Variants in GNG4 observed in about 807,000 individuals in gnomAD.
GNG4 encodes the protein guanine nucleotide-binding protein G(I)/G(S)/G(O) subunit gamma-4.
A neutral mutation model predicts 5.8 loss-of-function variants in GNG4; 4 were observed. The observed-to-expected ratio is 0.69, with a 90% CI of 0.34 to 1.57. GNG4 has a LOEUF of 1.57. GNG4 is among the 40% of genes most tolerant of loss of function. The pLI, the probability that GNG4 is intolerant of heterozygous loss-of-function variation, is 0.06. For synonymous variants in GNG4, 29 were observed against 32.9 expected (o/e 0.88, Z 0.41); for missense variants, 96 against 95.1 (o/e 1.01, Z -0.04).
At chr1:235,569,421 GCAC>G (rs1687280366) in intron 3 of GNG4, among the ~76,000 whole-genome samples, 1 of 148,556 alleles carries the variant, frequency 6.7e-6, no homozygotes, top group Non-Finnish European at 1.5e-5. Context: ...TCACGACACT[GCAC>G]TCCAGCCTGG....
At chr1:235,609,150 G>A (rs1197698044) in intron 1 of GNG4, among the ~76,000 whole-genome samples, 1 of 152,084 alleles carries the variant, frequency 6.6e-6, no homozygotes, top group Admixed American at 6.6e-5. Context: ...TTCACTTAGT[G>A]TAATGTTTTC....
intron 2 of GNG4, among the ~76,000 whole-genome samples, chr1:235,593,526 G>A (rs1471332741): frequency 6.6e-6 from 1 of 152,226 alleles, no homozygotes; most frequent in Non-Finnish European, 1.5e-5. Flanking sequence ...AGCTGGGTCC[G>A]GAATTGGTGG....
intron 3 of GNG4, among the ~76,000 whole-genome samples, chr1:235,568,527 T>G (rs1394303386): frequency 6.6e-6 from 1 of 152,232 alleles, no homozygotes; most frequent in Non-Finnish European, 1.5e-5. Flanking sequence ...GCAGCACATA[T>G]TTGCATTACA....
chr1:235,569,451 G>A (rs1687281497), intron 3 of GNG4, among the ~76,000 whole-genome samples: 1 of 93,842 alleles, frequency 1.1e-5, no homozygotes, highest in Non-Finnish European at 2.1e-5. Flanking sequence ...GAGGGAGACC[G>A]TGTCTCAAAA....
chr1:235,595,507 G>A lies in GNG4; in HGVS notation c.-118C>T, dbSNP rs1688102042. Reference sequence around the variant, plus strand: ...GTGAATTCAGAGCTTCTGCTTTGAGGTCACCTGAAAGCACAACCAGAGACA... The same window carrying A: ...GTGAATTCAGAGCTTCTGCTTTGAGATCACCTGAAAGCACAACCAGAGACA... On this transcript the variant is annotated 5_prime_UTR_variant, in exon 2 of 4. Transcript: ENST00000391854. 1 of 152,242 alleles carries A rather than the reference G, an allele frequency of 6.6e-6. No individual in the cohort carries two copies. Among genetic ancestry groups the A allele is most frequent in the African/African-American group, 2.4e-5 (1 of 41,448 alleles). 9.4% of individuals were successfully genotyped at this position (152,242 alleles called of 1,614,324 possible). A position where few individuals can be genotyped will look rare whatever the true frequency, so the allele number is the denominator to read the frequency against.
At chr1:235,634,678 C>T (rs138796988) in intron 1 of GNG4, among the ~76,000 whole-genome samples, 4,826 of 152,340 alleles carry the variant, frequency 0.032, 267 homozygotes, top group African/African-American at 0.11. Context: ...CGCAGTGGCT[C>T]ACGCCTGTAA....
At chr1:235,593,218 G>C (rs1688023042) in intron 2 of GNG4, among the ~76,000 whole-genome samples, 1 of 152,042 alleles carries the variant, frequency 6.6e-6, no homozygotes. Context: ...CAAATTGCTG[G>C]AATTCAGGCA....
intron 1 of GNG4, among the ~76,000 whole-genome samples, chr1:235,624,212 C>T (rs1688764062): frequency 6.6e-6 from 1 of 151,814 alleles, no homozygotes; most frequent in African/African-American, 2.4e-5. Context: ...AAGCAATTCT[C>T]CTGCCTCAGC....
chr1:235,572,655 A>G (rs1687375878), intron 3 of GNG4, among the ~76,000 whole-genome samples: 1 of 151,344 alleles, frequency 6.6e-6, no homozygotes, highest in Admixed American at 6.6e-5. Context: ...GTGCGCCACC[A>G]TGCCCAGCTA....
chr1:235,591,634 G>T (rs1313008479), intron 2 of GNG4, among the ~76,000 whole-genome samples: 2 of 152,112 alleles, frequency 1.3e-5, no homozygotes, highest in African/African-American at 4.8e-5. Context: ...ATCCCACCTG[G>T]ACCCAAGAAG....
intron 1 of GNG4, among the ~76,000 whole-genome samples, chr1:235,646,486 T>C (rs1280547860): frequency 6.6e-6 from 1 of 152,164 alleles, no homozygotes; most frequent in Non-Finnish European, 1.5e-5. Flanking sequence ...ACATGACACG[T>C]CTAGCCCAAT....
chr1:235,593,952 G>C (rs1010523929), intron 2 of GNG4, among the ~76,000 whole-genome samples: 9 of 152,144 alleles, frequency 5.9e-5, no homozygotes, highest in Admixed American at 2.0e-4. Flanking sequence ...CAGCTGGCGC[G>C]GGCAGCCTGC....
In GNG4 at chr1:235,634,519, C is replaced by T. The variant is rs990541888; in HGVS notation, c.-123+15143G>A. 4.6e-5 allele frequency among the ~76,000 whole-genome samples: 7 copies of T among 152,146 alleles called. No homozygotes were observed. The South Asian group carries it at 6.2e-4, about 14-fold the overall frequency. ...GTGCAGGAAGATCGTGAGTCATTTG[C>T]GCAGATGGGCTATGTGTCCTAGACT... is the stretch of plus-strand genomic sequence containing the variant. On this transcript the variant is annotated intron_variant, in intron 1 of 3. Transcript: ENST00000391854.
intron 3 of GNG4, among the ~76,000 whole-genome samples, chr1:235,581,357 G>A (rs528220451): frequency 9.9e-5 from 15 of 152,014 alleles, no homozygotes; most frequent in Non-Finnish European, 1.6e-4. Context: ...GTGAAACCCC[G>A]TCTCTACTAA....
chr1:235,597,630 ATT>A (rs746989867), intron 1 of GNG4, among the ~76,000 whole-genome samples: 8 of 35,598 alleles, frequency 2.2e-4, no homozygotes, highest in African/African-American at 7.4e-4. Flanking sequence ...GTGTGTGTGT[ATT>A]TTTTTTTTTT....
intron 1 of GNG4, among the ~76,000 whole-genome samples, chr1:235,634,830 A>T (rs1181379890): frequency 2.0e-5 from 3 of 152,184 alleles, no homozygotes; most frequent in Non-Finnish European, 4.4e-5. Context: ...CCTACTCGGG[A>T]GGCTGAGGCA....
rs1469837225 is a variant in GNG4 at position 235,547,739 on chromosome 1, T to C, written c.*4370A>G. 6.6e-6 allele frequency: 1 copy of C among 151,986 alleles called. No individual in the cohort carries two copies. Among genetic ancestry groups the C allele is most frequent in the African/African-American group, 2.4e-5 (1 of 41,380 alleles). 9.4% of individuals were successfully genotyped at this position (151,986 alleles called of 1,614,324 possible). A position where few individuals can be genotyped will look rare whatever the true frequency, so the allele number is the denominator to read the frequency against. On this transcript the variant is annotated 3_prime_UTR_variant, in exon 4 of 4. Transcript: ENST00000391854. ...GAAGTATAACATACACACAGAAAAG[T>C]GCCCAGATCAAAAGTGTACAGCTCC...
At chr1:235,618,300 C>A (rs1688638793) in intron 1 of GNG4, among the ~76,000 whole-genome samples, 1 of 152,124 alleles carries the variant, frequency 6.6e-6, no homozygotes, top group Non-Finnish European at 1.5e-5. Flanking sequence ...CACACACACA[C>A]AAAAAGTGGA....
chr1:235,631,830 A>C (rs1278117164), intron 1 of GNG4, among the ~76,000 whole-genome samples: 1 of 152,156 alleles, frequency 6.6e-6, no homozygotes. Flanking sequence ...GGCCTCCCAA[A>C]GTGCCGGGAT....
Sources: gnomAD v4.1 joint callset for allele counts (sites outside exome capture counted in the v4.1 genomes callset) on GRCh38, gnomAD v4.1.1 for gene constraint, MANE v1.5 for transcripts, NCBI Gene and HGNC (gene_info 2026-07-23, HGNC 2026-07-21) for gene names.